The following ABL2 variants were observed in gnomAD, a reference collection of about 807,000 sequenced individuals.
The protein encoded by ABL2 is ABL proto-oncogene 2, non-receptor tyrosine kinase, also known as tyrosine-protein kinase ABL2.
A neutral mutation model predicts 107.7 loss-of-function variants in ABL2; 49 were observed. The observed-to-expected ratio is 0.45, with a 90% CI of 0.36 to 0.58. The LOEUF (loss-of-function observed/expected upper bound fraction) is 0.58, where lower values mean the gene tolerates loss of function less well. ABL2 is among the 20% of genes least tolerant of loss of function. The pLI is 0.00. For synonymous variants in ABL2, 549 were observed against 548.6 expected (o/e 1.00, Z -0.01); for missense variants, 1,245 against 1,457.0 (o/e 0.85, Z 2.37).
chr1:179,178,719 G>A (rs556423101), intron 1 of ABL2, among the ~76,000 whole-genome samples: 19 of 152,056 alleles, frequency 1.2e-4, no homozygotes, highest in East Asian at 9.7e-4. Flanking sequence ...GTGAAACCCC[G>A]CCTCTACTAA....
Position 179,099,582 on chromosome 1 carries a change from G to T in ABL2, c.*8136C>A. ...GTGACACACAATTGATGTGTTTTTA[G>T]TTAAATCCCACATTGTCTCACTATG... On this transcript the variant is annotated 3_prime_UTR_variant, in exon 12 of 12. Transcript: ENST00000502732. 1 of 229,878 alleles carries T rather than the reference G, an allele frequency of 4.4e-6. No homozygotes were observed. Among genetic ancestry groups the T allele is most frequent in the Non-Finnish European group, 8.6e-6 (1 of 115,962 alleles). The allele number at this position is 229,878 out of a possible 1,614,324, so 14.2% of individuals were successfully genotyped here.
chr1:179,104,915 C>T lies in ABL2; in HGVS notation c.*2803G>A, dbSNP rs1572592779. On this transcript the variant is annotated 3_prime_UTR_variant, in exon 12 of 12. Transcript: ENST00000502732. ...AGTTCTCTCTGCTTTGGATTCAAAC[C>T]TTTTAATTTACATAAGGGTTTGTGT... 1 of 221,424 alleles carries T rather than the reference C, an allele frequency of 4.5e-6. No individual in the cohort carries two copies. The highest frequency in any genetic ancestry group is 6.6e-5 in the East Asian group (1 of 15,164). 13.7% of individuals were successfully genotyped at this position (221,424 alleles called of 1,614,324 possible).
rs2102576841 is a variant in ABL2 at position 179,108,679 on chromosome 1, C to G, written c.2588G>C (p.Arg863Thr). The G allele has an allele frequency of 6.2e-7, 1 of 1,614,164 alleles. No individual in the cohort carries two copies. Among genetic ancestry groups the G allele is most frequent in the South Asian group, 1.1e-5 (1 of 91,072 alleles). ...AATGGCTAGATCCCCAGAGGGTGTTCTGAGAGGAAGAGCTGTGGCTCCTCT... is the reference window on the plus strand; with the variant it reads ...AATGGCTAGATCCCCAGAGGGTGTTGTGAGAGGAAGAGCTGTGGCTCCTCT... ...LPRGATALPLRTPSGDLAITE... is the reference protein window; with the variant it reads ...LPRGATALPLTTPSGDLAITE... Residue 863 changes from arginine (R) to threonine (T), a missense_variant, in exon 12 of 12, where the codon AGA becomes ACA. Around this residue, in one of 3 missense-constraint regions of ABL2, gnomAD observed 761 missense variants for 766.4 expected, o/e 0.99. Coordinates refer to ENST00000502732, the MANE Select transcript of ABL2 (RefSeq NM_007314.4).
At position 179,108,458 on chromosome 1, in the gene ABL2, G is replaced by C; in HGVS notation, c.2809C>G (p.Pro937Ala). 4 of 1,614,244 alleles carry C rather than the reference G, an allele frequency of 2.5e-6. No homozygotes were observed. Among genetic ancestry groups the C allele is most frequent in the Non-Finnish European group, 3.4e-6 (4 of 1,180,032 alleles). Residue 937 changes from proline (P) to alanine (A), a missense_variant, in exon 12 of 12, where the codon CCC becomes GCC. Physicochemically the swap from Pro to Ala is conservative, Grantham distance 27. Around this residue, in one of 3 missense-constraint regions of ABL2, gnomAD observed 761 missense variants for 766.4 expected, o/e 0.99. Coordinates refer to ENST00000502732, the MANE Select transcript of ABL2 (RefSeq NM_007314.4). ...TCAGCTGGAGTGTGTTTCAGAGTGG[G>C]TGAGATAAGGACTGGCACTTTGTGG... ...HNHKVPVLIS[P>A]TLKHTPADVQ...
At chr1:179,168,393 T>C (rs969671661) in intron 1 of ABL2, among the ~76,000 whole-genome samples, 3 of 152,238 alleles carry the variant, frequency 2.0e-5, no homozygotes, top group African/African-American at 7.2e-5. Flanking sequence ...TATTTTTTTT[T>C]TCCGTTGTAT....
At chr1:179,208,003 G>A (rs1330596554) in intron 1 of ABL2, among the ~76,000 whole-genome samples, 1 of 151,958 alleles carries the variant, frequency 6.6e-6, no homozygotes, top group Non-Finnish European at 1.5e-5. Flanking sequence ...GGTAATAGCA[G>A]TTATCTACTT....
At chr1:179,120,831 G>A (rs28914538) in intron 5 of ABL2, among the ~76,000 whole-genome samples, 6,230 of 152,228 alleles carry the variant, frequency 0.041, 168 homozygotes, top group South Asian at 0.076. Context: ...TGAAACACAG[G>A]AGCCCTGTAT....
At chr1:179,146,328 G>T (rs1359456183) in intron 1 of ABL2, among the ~76,000 whole-genome samples, 2 of 152,142 alleles carry the variant, frequency 1.3e-5, no homozygotes, top group Non-Finnish European at 2.9e-5. Flanking sequence ...TACAACATAA[G>T]AGAGAAGGAG....
At chr1:179,192,954 T>G (rs938874279) in intron 1 of ABL2, among the ~76,000 whole-genome samples, 12 of 152,216 alleles carry the variant, frequency 7.9e-5, no homozygotes, top group Non-Finnish European at 1.5e-4. Context: ...CAAGATAACA[T>G]TAAACTCTTA....
intron 1 of ABL2, among the ~76,000 whole-genome samples, chr1:179,149,773 C>A (rs1164613233): frequency 6.6e-6 from 1 of 152,184 alleles, no homozygotes; most frequent in East Asian, 1.9e-4. Flanking sequence ...ACTGTTGAGA[C>A]CTACAGCTCA....
chr1:179,199,289 T>C (rs1661515403), intron 1 of ABL2, among the ~76,000 whole-genome samples: 1 of 152,218 alleles, frequency 6.6e-6, no homozygotes, highest in Non-Finnish European at 1.5e-5. Flanking sequence ...TCTATGCCTC[T>C]TCCATCCTCT....
At chr1:179,210,784 G>A (rs570324235) in intron 1 of ABL2, among the ~76,000 whole-genome samples, 3 of 152,096 alleles carry the variant, frequency 2.0e-5, no homozygotes, top group South Asian at 2.1e-4. Context: ...AACTTGAGAG[G>A]TGGAGGTTGC....
chr1:179,130,554 A>C (rs1362017824), intron 3 of ABL2, among the ~76,000 whole-genome samples: 3 of 152,206 alleles, frequency 2.0e-5, no homozygotes, highest in Non-Finnish European at 4.4e-5. Context: ...CCTAGACAAC[A>C]TAAATGTCTA....
At chr1:179,154,968 A>T (rs1448429788) in intron 1 of ABL2, among the ~76,000 whole-genome samples, 1 of 152,218 alleles carries the variant, frequency 6.6e-6, no homozygotes, top group African/African-American at 2.4e-5. Flanking sequence ...AATTTATAAC[A>T]TCATTACCTA....
chr1:179,221,197 T>C (rs1324556717), intron 1 of ABL2: 1 of 220,304 alleles, frequency 4.5e-6, no homozygotes, highest in Non-Finnish European at 9.5e-6. Flanking sequence ...GCCAACGGGC[T>C]AAAAGAGAAG....
intron 1 of ABL2, among the ~76,000 whole-genome samples, chr1:179,165,799 AT>A (rs34798552): frequency 0.45 from 65,462 of 146,414 alleles, 14,492 homozygotes; most frequent in Admixed American, 0.51. Context: ...ACAAGACTTT[AT>A]TTTTTTTTTT....
rs183434632 is a variant in ABL2, at chr1:179,162,009, G to A, written c.158-28635C>T. ...GATGCAGCAAGACAGATGCCGGCCC[G>A]TTGATCTTGGACCTCCCAGCCTCCA... On this transcript the variant is annotated intron_variant, in intron 1 of 11. Transcript: ENST00000502732. 1.4e-4 allele frequency among the ~76,000 whole-genome samples: 22 copies of A among 152,226 alleles called. 1 individual carries two copies. The South Asian group carries it at 2.9e-3, about 20-fold the overall frequency.
intron 4 of ABL2, among the ~76,000 whole-genome samples, chr1:179,124,057 T>C (rs974471122): frequency 1.3e-5 from 2 of 151,944 alleles, no homozygotes; most frequent in South Asian, 4.1e-4. Flanking sequence ...CTGGCTATCA[T>C]GGTGAAACAC....
intron 1 of ABL2, chr1:179,201,385 A>G (rs1212360131): frequency 2.0e-5 from 3 of 152,730 alleles, no homozygotes; most frequent in African/African-American, 7.2e-5. Context: ...AAACTTTTAC[A>G]AGCCACAAAT....
Sources: gnomAD v4.1 joint callset for allele counts (sites outside exome capture counted in the v4.1 genomes callset) on GRCh38, gnomAD v4.1.1 for gene constraint, gnomAD v4.1.1 regional missense constraint, MANE v1.5 for transcripts, NCBI Gene and HGNC (gene_info 2026-07-23, HGNC 2026-07-21) for gene names.